CNTNAP4: variants seen among roughly 807,000 people sequenced by gnomAD.
CNTNAP4 encodes contactin associated protein family member 4, also known as contactin-associated protein-like 4.
In CNTNAP4, 98 loss-of-function variants were observed where a neutral mutation model predicts 148.4. The ratio of observed to expected loss-of-function variants is 0.66; its 90% CI spans 0.56 to 0.78. The LOEUF (loss-of-function observed/expected upper bound fraction) is 0.78. Ranked by LOEUF, CNTNAP4 falls within the 30% of genes least tolerant of loss-of-function variation. The probability of loss-of-function intolerance (pLI) is 0.00; values close to 1 mark genes in which losing one functional copy is unlikely to be tolerated. For synonymous variants in CNTNAP4, 730 were observed against 565.1 expected, an observed-to-expected ratio of 1.29 and a Z score of -4.14; for missense variants, 1,935 against 1,565.6, an observed-to-expected ratio of 1.24 and a Z score of -3.98.
At chr16:76,306,897 A>T (rs1016074078) in intron 1 of CNTNAP4, among the ~76,000 whole-genome samples, 3 of 152,216 alleles carry the variant, frequency 2.0e-5, no homozygotes, top group African/African-American at 7.2e-5. Flanking sequence ...TTATAGGCAG[A>T]GGTACATCAA....
At chr16:76,422,559 C>T (rs142680822) in intron 3 of CNTNAP4, among the ~76,000 whole-genome samples, 3 of 152,200 alleles carry the variant, frequency 2.0e-5, no homozygotes, top group Admixed American at 6.5e-5. Flanking sequence ...TAAATTTCCT[C>T]TAGGGTAAGT....
intron 12 of CNTNAP4, among the ~76,000 whole-genome samples, chr16:76,482,881 T>A (rs995546659): frequency 2.6e-5 from 4 of 152,198 alleles, no homozygotes; most frequent in Admixed American, 2.6e-4. Context: ...GGTTTGGGAA[T>A]CACTGTTTTA....
chr16:76,559,076 G>T lies in CNTNAP4; in HGVS notation c.*393G>T, dbSNP rs1004031617. On this transcript the variant is annotated 3_prime_UTR_variant, in exon 24 of 24. Transcript: ENST00000611870. ...CTTGCTTTATTTGAGAACATTTGCT[G>T]TGTTTGCTTTTGTCTCCTCGTGGTG... The T allele has an allele frequency of 2.6e-5, 4 of 153,548 alleles. No homozygotes were observed. Among genetic ancestry groups the T allele is most frequent in the African/African-American group, 9.6e-5 (4 of 41,464 alleles). 9.5% of individuals were successfully genotyped at this position (153,548 alleles called of 1,614,324 possible).
At chr16:76,297,630 A>G (rs969538338) in intron 1 of CNTNAP4, among the ~76,000 whole-genome samples, 9 of 152,120 alleles carry the variant, frequency 5.9e-5, no homozygotes, top group South Asian at 2.1e-4. Context: ...GACATAATCT[A>G]TTATCTTTTA....
intron 2 of CNTNAP4, among the ~76,000 whole-genome samples, chr16:76,348,134 C>G (rs1965064663): frequency 6.6e-6 from 1 of 150,670 alleles, no homozygotes; most frequent in South Asian, 2.1e-4. Context: ...CCAACAGCAT[C>G]TTCTGGTGGT....
At chr16:76,542,296 T>C (rs2084496774) in intron 21 of CNTNAP4, among the ~76,000 whole-genome samples, 1 of 152,198 alleles carries the variant, frequency 6.6e-6, no homozygotes, top group Non-Finnish European at 1.5e-5. Context: ...CAGCTCTGGG[T>C]ATGTAACTAT....
At chr16:76,390,842 C>T (rs2016926666) in intron 3 of CNTNAP4, among the ~76,000 whole-genome samples, 1 of 151,916 alleles carries the variant, frequency 6.6e-6, no homozygotes, top group Non-Finnish European at 1.5e-5. Flanking sequence ...TCTTTTAATT[C>T]TCATTAACTG....
At chr16:76,384,108 A>G (rs940814706) in intron 3 of CNTNAP4, among the ~76,000 whole-genome samples, 5 of 152,034 alleles carry the variant, frequency 3.3e-5, no homozygotes, top group Admixed American at 2.0e-4. Context: ...CAGTGGCACT[A>G]TCTTGGCTCG....
At chr16:76,436,664 T>C (rs2079839689) in intron 4 of CNTNAP4, among the ~76,000 whole-genome samples, 1 of 152,104 alleles carries the variant, frequency 6.6e-6, no homozygotes, top group Non-Finnish European at 1.5e-5. Flanking sequence ...TCTCCACATA[T>C]GGTCAAAGGT....
intron 17 of CNTNAP4, 123 bp from the exon 18 acceptor site, chr16:76,535,422 C>A: frequency 9.9e-7 from 1 of 1,012,004 alleles, no homozygotes; most frequent in African/African-American, 1.6e-5. Context: ...ATTGTGTTTC[C>A]AAAATTATAT....
At chr16:76,317,577 G>T (rs923459314) in intron 2 of CNTNAP4, among the ~76,000 whole-genome samples, 1 of 152,086 alleles carries the variant, frequency 6.6e-6, no homozygotes, top group African/African-American at 2.4e-5. Context: ...TGATGTTTTT[G>T]GTTCTCCCAT....
At chr16:76,553,234 T>C (rs2085034361) in intron 21 of CNTNAP4, 49 bp from the exon 22 acceptor site, 2 of 1,169,712 alleles carry the variant, frequency 1.7e-6, no homozygotes, top group Non-Finnish European at 2.5e-6. Flanking sequence ...CATCATCGCC[T>C]ATTTTCACTT....
chr16:76,316,747 C>A (rs1018971139), intron 2 of CNTNAP4, among the ~76,000 whole-genome samples: 6 of 152,160 alleles, frequency 3.9e-5, no homozygotes, highest in African/African-American at 1.4e-4. Context: ...ATCTGACAAG[C>A]TTTTTATATA....
chr16:76,493,405 A>C (rs901202911), intron 13 of CNTNAP4, among the ~76,000 whole-genome samples: 1 of 152,206 alleles, frequency 6.6e-6, no homozygotes, highest in Admixed American at 6.5e-5. Context: ...ATGTTCTACC[A>C]TATCCACGGG....
chr16:76,286,203 G>GTGTGTGTGTT (rs1230770706), intron 1 of CNTNAP4, among the ~76,000 whole-genome samples: 1 of 151,532 alleles, frequency 6.6e-6, no homozygotes, highest in Non-Finnish European at 1.5e-5. Context: ...GTGTGTGTGT[G>GTGTGTGTGTT]TGTGTGTGTG....
chr16:76,361,551 A>G (rs565533227), intron 3 of CNTNAP4, among the ~76,000 whole-genome samples: 11 of 152,218 alleles, frequency 7.2e-5, no homozygotes, highest in East Asian at 5.8e-4. Flanking sequence ...TTTAAAATCT[A>G]TTCATTTGCC....
chr16:76,512,296 A>G lies in CNTNAP4; in HGVS notation c.2366-8844A>G, dbSNP rs537974020. On this transcript the variant is annotated intron_variant, in intron 15 of 23. Coordinates refer to ENST00000611870, the MANE Select transcript of CNTNAP4 (RefSeq NM_033401.5). The stretch of plus-strand genomic sequence containing the variant: ...ATGATCTAACTCAGGTTTTAGTGAG[A>G]TTAAATAGGGAAAGCTCAAAGCAAG... Among the ~76,000 whole-genome samples the G allele has an allele frequency of 2.0e-5, 3 of 152,260 alleles. No homozygotes were observed. In the East Asian group the frequency reaches 5.8e-4, roughly 29 times the overall value.
At chr16:76,512,707 A>G (rs1407412921) in intron 15 of CNTNAP4, among the ~76,000 whole-genome samples, 3 of 152,142 alleles carry the variant, frequency 2.0e-5, no homozygotes, top group Non-Finnish European at 2.9e-5. Context: ...TTGGATGAAG[A>G]AATAACAACA....
At chr16:76,280,328 C>G (rs1255999919) in intron 1 of CNTNAP4, among the ~76,000 whole-genome samples, 4 of 152,220 alleles carry the variant, frequency 2.6e-5, no homozygotes, top group South Asian at 2.1e-4. Context: ...AGCAGGGAAA[C>G]TTTACATTAG....
Sources: allele counts gnomAD v4.1 joint callset (sites outside exome capture counted in the v4.1 genomes callset), GRCh38; gene constraint gnomAD v4.1.1; transcripts MANE v1.5; gene names NCBI Gene and HGNC (gene_info 2026-07-23, HGNC 2026-07-21).